The following ALK variants were observed in gnomAD, a reference collection of about 807,000 sequenced individuals.
ALK encodes the protein ALK receptor tyrosine kinase.
A neutral mutation model predicts 163.1 loss-of-function variants in ALK; 74 were observed. The ratio of observed to expected loss-of-function variants is 0.45; its 90% CI spans 0.38 to 0.55. The LOEUF (loss-of-function observed/expected upper bound fraction) is 0.55. Among genes scored for constraint, ALK ranks in the 20% least tolerant of loss-of-function variants. The pLI is 0.00. For synonymous variants in ALK, 960 were observed against 843.2 expected, an observed-to-expected ratio of 1.14 and a Z score of -2.40; for missense variants, 2,063 against 2,105.3, an observed-to-expected ratio of 0.98 and a Z score of 0.39.
chr2:29,320,492 G>A (rs533414799), intron 7 of ALK, among the ~76,000 whole-genome samples: 3 of 152,322 alleles, frequency 2.0e-5, no homozygotes, highest in Admixed American at 6.5e-5. Context: ...GATTATTATC[G>A]TTGTTGCTAT....
In ALK at chr2:29,418,513, C is replaced by T. The variant is rs150737533; in HGVS notation, c.1155-34654G>A. ...CATGCATATATTAAGACTGTACCCA[C>T]GATGTAATTTTTCAGTCCTTACCCC... is the stretch of plus-strand genomic sequence containing the variant. On this transcript the variant is annotated intron_variant, in intron 4 of 28. Transcript: ENST00000389048. Among the ~76,000 whole-genome samples, 10 of 152,296 alleles carry T rather than the reference C, an allele frequency of 6.6e-5. No homozygotes were observed. In the East Asian group the frequency reaches 9.6e-4, roughly 15 times the overall value.
At chr2:29,277,286 C>T (rs1439564152) in intron 9 of ALK, among the ~76,000 whole-genome samples, 3 of 152,304 alleles carry the variant, frequency 2.0e-5, no homozygotes, top group Middle Eastern at 3.4e-3. Context: ...TGGAAGCTCC[C>T]GTTGCGCCTG....
intron 1 of ALK, among the ~76,000 whole-genome samples, chr2:29,903,473 T>C (rs1667466818): frequency 6.6e-6 from 1 of 152,144 alleles, no homozygotes; most frequent in Non-Finnish European, 1.5e-5. Flanking sequence ...TGTCCCTCAG[T>C]CCCAACCCTA....
At chr2:29,222,236 G>A (rs1391208713) in intron 22 of ALK, 108 bp downstream of exon 22, 10 of 1,001,190 alleles carry the variant, frequency 1.0e-5, no homozygotes, top group Middle Eastern at 2.2e-4. Context: ...AAGGGGACAT[G>A]CTAGGGACAA....
chr2:29,295,661 G>A (rs1412162644), intron 9 of ALK, among the ~76,000 whole-genome samples: 1 of 152,194 alleles, frequency 6.6e-6, no homozygotes, highest in Non-Finnish European at 1.5e-5. Context: ...ATAGCAGACT[G>A]TGGGGTTTGG....
At chr2:29,438,969 G>A (rs1360181268) in intron 4 of ALK, among the ~76,000 whole-genome samples, 1 of 152,192 alleles carries the variant, frequency 6.6e-6, no homozygotes, top group Non-Finnish European at 1.5e-5. Context: ...CTCCAGACCA[G>A]CCCTGCCTGT....
chr2:29,787,824 G>GTCCCAACCAAATA (rs576462722), intron 1 of ALK, among the ~76,000 whole-genome samples: 4,149 of 152,278 alleles, frequency 0.027, 116 homozygotes, highest in Middle Eastern at 0.048. Context: ...CCAACCAAAT[G>GTCCCAACCAAATA]TCCCAACCAA....
At chr2:29,881,549 C>A (rs1483840612) in intron 1 of ALK, among the ~76,000 whole-genome samples, 1 of 152,164 alleles carries the variant, frequency 6.6e-6, no homozygotes, top group Non-Finnish European at 1.5e-5. Flanking sequence ...GGCCCTCCTG[C>A]CAGCTTGTCC....
chr2:29,310,574 G>T (rs1022897498), intron 8 of ALK, among the ~76,000 whole-genome samples: 1 of 152,224 alleles, frequency 6.6e-6, no homozygotes, highest in African/African-American at 2.4e-5. Context: ...CACACTGAAT[G>T]TAAGTGTTCT....
chr2:29,731,138 A>G (rs915593495), intron 1 of ALK, among the ~76,000 whole-genome samples: 2 of 152,200 alleles, frequency 1.3e-5, no homozygotes, highest in Non-Finnish European at 2.9e-5. Context: ...CCTAAAGAAA[A>G]GGGGTAAAAC....
At chr2:29,564,757 G>A (rs182690982) in intron 3 of ALK, among the ~76,000 whole-genome samples, 4 of 152,332 alleles carry the variant, frequency 2.6e-5, no homozygotes, top group Admixed American at 2.6e-4. Context: ...CCACTCAGAG[G>A]TGGAGGGAGG....
intron 3 of ALK, among the ~76,000 whole-genome samples, chr2:29,606,518 G>A (rs921128342): frequency 2.0e-5 from 3 of 152,212 alleles, no homozygotes; most frequent in Non-Finnish European, 4.4e-5. Context: ...GAGGTAAGTA[G>A]GAACTTGGCA....
intron 3 of ALK, among the ~76,000 whole-genome samples, chr2:29,592,026 G>A (rs1276948108): frequency 2.6e-5 from 4 of 152,056 alleles, no homozygotes; most frequent in Admixed American, 6.5e-5. Context: ...ATTGAAGGCT[G>A]GGGGTATTGT....
At chr2:29,824,060 C>T (rs1252795417) in intron 1 of ALK, among the ~76,000 whole-genome samples, 2 of 152,200 alleles carry the variant, frequency 1.3e-5, no homozygotes, top group Non-Finnish European at 2.9e-5. Flanking sequence ...GCATCTCAGC[C>T]ACTCCAGTCA....
chr2:29,247,117 CCCCCGGCCTCCGCGGCAGCGCCTTTTA>C lies in ALK; in HGVS notation c.2204+3961_2204+3987del, dbSNP rs999982159. On this transcript the variant is annotated intron_variant, in intron 12 of 28. Transcript: ENST00000389048. ...AAGCTCAGCTGAGTGCAGCGCCTTTCCCCCGGCCTCCGCGGCAGCGCCTTTTACCCCGGCCTCCGCGGCAGCGCCTTT... is the reference window on the plus strand; with the variant it reads ...AAGCTCAGCTGAGTGCAGCGCCTTTCCCCCGGCCTCCGCGGCAGCGCCTTT... 8.5e-5 allele frequency among the ~76,000 whole-genome samples: 13 copies of C among 152,126 alleles called. No individual in the cohort carries two copies. In the East Asian group the frequency reaches 1.2e-3, roughly 14 times the overall value.
intron 8 of ALK, among the ~76,000 whole-genome samples, chr2:29,311,490 T>A (rs1332311422): frequency 2.0e-5 from 3 of 152,160 alleles, no homozygotes; most frequent in South Asian, 2.1e-4. Context: ...TGTTTTTGTG[T>A]CCAAACAAAT....
intron 1 of ALK, among the ~76,000 whole-genome samples, chr2:29,795,812 A>C (rs141316393): frequency 1.3e-5 from 2 of 152,228 alleles, no homozygotes; most frequent in African/African-American, 4.8e-5. Flanking sequence ...TGAACAATTA[A>C]TTTCTTCTTT....
intron 8 of ALK, among the ~76,000 whole-genome samples, chr2:29,303,174 A>T (rs141983951): frequency 1.0e-3 from 155 of 152,226 alleles, no homozygotes; most frequent in African/African-American, 3.4e-3. Context: ...TCAAGAAAAA[A>T]CCAAATAACT....
At chr2:29,249,204 C>T (rs1465546653) in intron 12 of ALK, among the ~76,000 whole-genome samples, 1 of 152,164 alleles carries the variant, frequency 6.6e-6, no homozygotes, top group Non-Finnish European at 1.5e-5. Flanking sequence ...GAGTTTGTCC[C>T]CCTCTGTGGG....
Sources: gnomAD v4.1 joint callset for allele counts (sites outside exome capture counted in the v4.1 genomes callset) on GRCh38, gnomAD v4.1.1 for gene constraint, MANE v1.5 for transcripts, NCBI Gene and HGNC (gene_info 2026-07-23, HGNC 2026-07-21) for gene names.